The following NBEA variants were observed in gnomAD, a reference collection of about 807,000 sequenced individuals.
NBEA encodes the protein lysosomal-trafficking regulator 2.
A neutral mutation model predicts 343.4 loss-of-function variants in NBEA; 44 were observed. The ratio of observed to expected loss-of-function variants is 0.13; its 90% CI spans 0.10 to 0.16. The LOEUF is 0.16. Among genes scored for constraint, NBEA ranks in the 10% least tolerant of loss-of-function variants. The probability of loss-of-function intolerance (pLI) is 1.00; values close to 1 mark genes in which losing one functional copy is unlikely to be tolerated. For synonymous variants in NBEA, 1,175 were observed against 1,238.7 expected (o/e 0.95, Z 1.08); for missense variants, 2,555 against 3,631.3 (o/e 0.70, Z 7.62).
intron 1 of NBEA, among the ~76,000 whole-genome samples, chr13:35,005,121 A>G (rs747703252): frequency 1.3e-5 from 2 of 152,072 alleles, no homozygotes; most frequent in Non-Finnish European, 2.9e-5. Flanking sequence ...GCATTTTTGC[A>G]TGTCTTGTAT....
chr13:35,167,452 T>C (rs2152718981), intron 24 of NBEA, among the ~76,000 whole-genome samples: 1 of 150,448 alleles, frequency 6.6e-6, no homozygotes, highest in African/African-American at 2.5e-5. Context: ...AAAAAGAACA[T>C]ATATATATTG....
rs555655315 is a variant in NBEA, at chr13:35,097,590, A to G, written c.1572-707A>G. Among the ~76,000 whole-genome samples, 72 of 152,166 alleles carry G rather than the reference A, an allele frequency of 4.7e-4. 1 individual carries two copies. The South Asian group carries it at 0.013, about 28-fold the overall frequency. ...TAATGCATTATCAAAGCTTAATTCA[A>G]TGCAATCATTTCTTTTTATTTTGTT... On this transcript the variant is annotated intron_variant, in intron 10 of 58. Transcript: ENST00000379939.
At chr13:35,001,313 C>G (rs1468341270) in intron 1 of NBEA, among the ~76,000 whole-genome samples, 2 of 152,024 alleles carry the variant, frequency 1.3e-5, no homozygotes, top group African/African-American at 4.8e-5. Flanking sequence ...AGCAGTCCCA[C>G]TACATAGGAT....
chr13:35,336,064 A>C (rs1162268265), intron 36 of NBEA, among the ~76,000 whole-genome samples: 1 of 152,158 alleles, frequency 6.6e-6, no homozygotes, highest in African/African-American at 2.4e-5. Context: ...CAGGAATTTA[A>C]GGAAATCTCT....
chr13:35,505,257 TAG>T, intron 41 of NBEA, among the ~76,000 whole-genome samples: 1 of 152,288 alleles, frequency 6.6e-6, no homozygotes, highest in Non-Finnish European at 1.5e-5. Flanking sequence ...AATAGACATA[TAG>T]AGTTTGAGTT....
intron 34 of NBEA, among the ~76,000 whole-genome samples, chr13:35,276,546 A>G (rs1210633479): frequency 6.6e-6 from 1 of 152,194 alleles, no homozygotes; most frequent in Non-Finnish European, 1.5e-5. Flanking sequence ...TCTACTCATG[A>G]TAAACTACAT....
chr13:35,574,251 C>T (rs542805271), intron 45 of NBEA, among the ~76,000 whole-genome samples: 15 of 148,574 alleles, frequency 1.0e-4, no homozygotes, highest in Middle Eastern at 7.1e-3. Context: ...TTCTTCCATT[C>T]GTTACCTATT....
At chr13:34,952,178 G>A (rs987902305) in intron 1 of NBEA, among the ~76,000 whole-genome samples, 1 of 152,146 alleles carries the variant, frequency 6.6e-6, no homozygotes, top group African/African-American at 2.4e-5. Context: ...AATGTAGCTA[G>A]TACTTAGAAA....
chr13:35,656,897 A>G (rs1024210028), intron 55 of NBEA, among the ~76,000 whole-genome samples: 27 of 152,210 alleles, frequency 1.8e-4, no homozygotes, highest in African/African-American at 5.8e-4. Flanking sequence ...CTAAAATACT[A>G]TAAGAGTAGA....
intron 1 of NBEA, among the ~76,000 whole-genome samples, chr13:34,984,918 T>A (rs1310575810): frequency 2.6e-5 from 4 of 151,086 alleles, no homozygotes. Context: ...AAGTTGCTTA[T>A]CAGCTTAAGG....
At chr13:35,039,792 C>T (rs2062582357) in intron 1 of NBEA, among the ~76,000 whole-genome samples, 1 of 152,168 alleles carries the variant, frequency 6.6e-6, no homozygotes, top group Admixed American at 6.5e-5. Context: ...CCTAATTCTA[C>T]TCCCTGTCTG....
chr13:35,110,886 T>TAGGAAC lies in NBEA; in HGVS notation c.1913_1918dup (p.Gly638_Thr639dup). On this transcript the variant is annotated inframe_insertion, in exon 13 of 59. Transcript: ENST00000379939. The stretch of plus-strand genomic sequence containing the variant: ...ACCATCTACACCACCATACGCAGAG[T>TAGGAAC]AGGAACAGTATTACAGCTAATGCAC... 6.2e-7 allele frequency: 1 copy of TAGGAAC among 1,612,142 alleles called. No individual in the cohort carries two copies. Among genetic ancestry groups the TAGGAAC allele is most frequent in the Non-Finnish European group, 8.5e-7 (1 of 1,178,482 alleles).
intron 31 of NBEA, among the ~76,000 whole-genome samples, chr13:35,206,776 A>G (rs981191098): frequency 4.6e-5 from 7 of 152,034 alleles, no homozygotes; most frequent in African/African-American, 1.7e-4. Context: ...ACGATTTTAC[A>G]CTCAAAAAAA....
chr13:35,252,309 ATCACCCCCATGATTCAG>A (rs1233758697), intron 34 of NBEA, among the ~76,000 whole-genome samples: 1 of 152,156 alleles, frequency 6.6e-6, no homozygotes, highest in Admixed American at 6.5e-5. Flanking sequence ...CATGGGAGAA[ATCACCCCCATGATTCAG>A]TCAGCTCTGC....
chr13:35,531,756 G>A (rs2078272604), intron 41 of NBEA, among the ~76,000 whole-genome samples: 2 of 152,194 alleles, frequency 1.3e-5, no homozygotes, highest in African/African-American at 4.8e-5. Context: ...GCTGCAGAAG[G>A]TTGGGAGAGA....
At chr13:34,986,423 T>C (rs1212397045) in intron 1 of NBEA, among the ~76,000 whole-genome samples, 5 of 150,988 alleles carry the variant, frequency 3.3e-5, no homozygotes, top group Non-Finnish European at 7.4e-5. Flanking sequence ...TTTCTGTTCT[T>C]TTACATTTGC....
At chr13:34,964,464 A>T (rs898393691) in intron 1 of NBEA, among the ~76,000 whole-genome samples, 4 of 151,944 alleles carry the variant, frequency 2.6e-5, no homozygotes, top group Admixed American at 2.6e-4. Context: ...ATAATAAACT[A>T]CTACACTTAT....
intron 1 of NBEA, among the ~76,000 whole-genome samples, chr13:34,995,402 C>T (rs1400684775): frequency 1.4e-5 from 2 of 143,920 alleles, no homozygotes; most frequent in Non-Finnish European, 3.0e-5. Flanking sequence ...GCCTGGGTGA[C>T]AGAGAGAGAC....
At chr13:35,541,736 G>GTGTGTGTT (rs1555296834) in intron 41 of NBEA, among the ~76,000 whole-genome samples, 1 of 151,172 alleles carries the variant, frequency 6.6e-6, no homozygotes, top group Non-Finnish European at 1.5e-5. Context: ...GTGTGTGTGT[G>GTGTGTGTT]TGTGTGTGTG....
Sources: allele counts gnomAD v4.1 joint callset (sites outside exome capture counted in the v4.1 genomes callset), GRCh38; gene constraint gnomAD v4.1.1; transcripts MANE v1.5; gene names NCBI Gene and HGNC (gene_info 2026-07-23, HGNC 2026-07-21).